SYNM: variants seen among roughly 807,000 people sequenced by gnomAD.
The protein encoded by SYNM is desmuslin.
Under a neutral mutation model 104.0 loss-of-function variants are expected in SYNM, and 95 were observed. The observed-to-expected ratio is 0.91, with a 90% CI of 0.77 to 1.08. The LOEUF (loss-of-function observed/expected upper bound fraction) is 1.08, where lower values mean the gene tolerates loss of function less well. SYNM is among the 50% of genes least tolerant of loss of function. The probability of loss-of-function intolerance (pLI) is 0.00; values close to 1 mark genes in which losing one functional copy is unlikely to be tolerated. For missense variants in SYNM, 2,150 were observed against 2,052.2 expected, an observed-to-expected ratio of 1.05 and a Z score of -0.92; for synonymous variants, 918 against 869.0, an observed-to-expected ratio of 1.06 and a Z score of -0.99.
At position 99,105,670 on chromosome 15, in the gene SYNM, G is replaced by T. The variant is rs1275937639; in HGVS notation, c.471G>T (p.Ala157=). ...AHERDVRELR[A]RAASLTMHFR... is the part of the protein sequence containing the mutation. ...AACGCGACGTGAGGGAGCTGCGCGC[G>T]CGCGCCGCCAGCCTTACCATGCATT... is the stretch of plus-strand genomic sequence containing the variant. The change falls in exon 1 of 4, where the codon GCG becomes GCT. Residue 157 remains alanine (A), a synonymous_variant. Transcript: ENST00000336292. 2 of 1,421,612 alleles carry T rather than the reference G, an allele frequency of 1.4e-6. No individual in the cohort carries two copies. Among genetic ancestry groups the T allele is most frequent in the Non-Finnish European group, 1.8e-6 (2 of 1,095,818 alleles). 88.1% of individuals were successfully genotyped at this position (1,421,612 alleles called of 1,614,324 possible). A position where few individuals can be genotyped will look rare whatever the true frequency, so the allele number is the denominator to read the frequency against.
At position 99,131,560 on chromosome 15, in the gene SYNM, G is replaced by T; in HGVS notation, c.3200G>T (p.Arg1067Leu). The T allele has an allele frequency of 1.2e-6, 2 of 1,608,898 alleles. No homozygotes were observed. Among genetic ancestry groups the T allele is most frequent in the Non-Finnish European group, 1.7e-6 (2 of 1,179,606 alleles). ...CCGGCTGCTGGCATTCGCTTTAGGC[G>T]TTGGGCCACCCGGGAGCTGTACATC... The part of the protein sequence containing the change: ...EAPAAGIRFR[R>L]WATRELYIPS... Residue 1067 changes from arginine to leucine, a missense_variant, in exon 4 of 4, where the codon CGT becomes CTT. Transcript: ENST00000336292. This position sits in a 1 kb window ranked among gnomAD's most constrained non-coding sequence, Gnocchi z 4.3.
rs1567271201 is a variant in SYNM at position 99,105,193 on chromosome 15, CG to C, written c.-5del. The C allele has an allele frequency of 6.4e-7, 1 of 1,571,464 alleles. No homozygotes were observed. Among genetic ancestry groups the C allele is most frequent in the Non-Finnish European group, 8.6e-7 (1 of 1,161,850 alleles). On this transcript the variant is annotated 5_prime_UTR_variant, in exon 1 of 4. Transcript: ENST00000336292. ...GCCAGCCGCGAGAACCCCGCACGCCCGGCAAGATGCTGTCCTGGCGGCTGCA... is the reference window on the plus strand; with the variant it reads ...GCCAGCCGCGAGAACCCCGCACGCCCGCAAGATGCTGTCCTGGCGGCTGCA...
At position 99,129,811 on chromosome 15, in the gene SYNM, C is replaced by G. The variant is rs547315336; in HGVS notation, c.1451C>G (p.Ser484Trp). Reference protein sequence around the residue: ...DRRDKVAAGASESTRSNERTV... With the variant: ...DRRDKVAAGAWESTRSNERTV... Reference sequence around the variant, plus strand: ...CGAGACAAGGTGGCAGCAGGTGCTTCGGAAAGCACACGGTCAAATGAGAGG... The same window carrying G: ...CGAGACAAGGTGGCAGCAGGTGCTTGGGAAAGCACACGGTCAAATGAGAGG... The change falls in exon 4 of 4, where the codon TCG becomes TGG. Residue 484 changes from serine (S) to tryptophan (W), a missense_variant. Ser to Trp is a radical substitution (Grantham distance 177). Coordinates refer to ENST00000336292, the MANE Select transcript of SYNM (RefSeq NM_145728.3). The G allele has an allele frequency of 3.7e-6, 6 of 1,613,330 alleles. No individual in the cohort carries two copies. In the East Asian group the frequency reaches 1.3e-4, roughly 36 times the overall value.
At chr15:99,121,537 A>AT in intron 2 of SYNM, among the ~76,000 whole-genome samples, 1 of 152,318 alleles carries the variant, frequency 6.6e-6, no homozygotes, top group East Asian at 1.9e-4. Flanking sequence ...GTGCTTGTGA[A>AT]TAATCGGATG....
chr15:99,109,344 G>A (rs1555483191), intron 1 of SYNM, among the ~76,000 whole-genome samples: 1 of 152,186 alleles, frequency 6.6e-6, no homozygotes, highest in African/African-American at 2.4e-5. Context: ...AGACATTTGC[G>A]ATAAAGTGGA....
At position 99,106,501 on chromosome 15, in the gene SYNM, A is replaced by C. The variant is rs904397388; in HGVS notation, c.810+492A>C. Among the ~76,000 whole-genome samples, 3 of 152,318 alleles carry C rather than the reference A, an allele frequency of 2.0e-5. No homozygotes were observed. The East Asian group carries it at 5.8e-4, about 29-fold the overall frequency. On this transcript the variant is annotated intron_variant, in intron 1 of 3. Transcript: ENST00000336292. ...TTTTATTTTGCCAATATGATTTCCC[A>C]GTTGGAAGCCGCAGTTGTGGCTCTC...
the SYNM span, chr15:99,140,851 G>A: frequency 6.6e-6 from 1 of 152,192 alleles, no homozygotes; most frequent in South Asian, 2.1e-4. Context: ...ACAGAAATGA[G>A]AAAGGTTTAA....
chr15:99,113,113 C>G (rs1304152508), intron 1 of SYNM, among the ~76,000 whole-genome samples: 1 of 152,224 alleles, frequency 6.6e-6, no homozygotes, highest in African/African-American at 2.4e-5. Flanking sequence ...AAACAAAACT[C>G]TGTATCAGTT....
At chr15:99,123,346 C>G (rs2067418910) in intron 2 of SYNM, among the ~76,000 whole-genome samples, 1 of 149,218 alleles carries the variant, frequency 6.7e-6, no homozygotes, top group African/African-American at 2.5e-5. Context: ...AGAGATGGCT[C>G]TGGGATGTGG....
rs376804524 is a variant in SYNM at position 99,131,298 on chromosome 15, G to A, written c.2938G>A (p.Gly980Arg). ...CACCAGAGAGGGGCAGGGTGGGCCG[G>A]GGAGCGTTTCCGTGGATGTCAAGAA... The part of the protein sequence containing the change: ...ALTREGQGGP[G>R]SVSVDVKKVQ... Residue 980 changes from glycine (G) to arginine (R), a missense_variant, in exon 4 of 4, where the codon GGG becomes AGG. By Grantham distance (125) the Gly-to-Arg change is moderately radical. Coordinates refer to ENST00000336292, the MANE Select transcript of SYNM (RefSeq NM_145728.3). This position sits in a 1 kb window ranked among gnomAD's most constrained non-coding sequence, Gnocchi z 4.3. 3.7e-6 allele frequency: 6 copies of A among 1,612,626 alleles called. No individual in the cohort carries two copies. Among genetic ancestry groups the A allele is most frequent in the Middle Eastern group, 1.6e-4 (1 of 6,080 alleles).
downstream of SYNM, chr15:99,136,539 G>A (rs2067604110): frequency 6.6e-6 from 1 of 152,200 alleles, no homozygotes; most frequent in African/African-American, 2.4e-5. Flanking sequence ...TCCTCACATG[G>A]TGGAGAGAGA....
intron 2 of SYNM, 104 bp downstream of exon 2, chr15:99,113,819 C>A: frequency 1.3e-6 from 2 of 1,488,468 alleles, no homozygotes; most frequent in South Asian, 2.7e-5. Flanking sequence ...GTCACTGTGG[C>A]TTTGTGACAA....
chr15:99,124,924 G>A (rs567568365), intron 2 of SYNM, among the ~76,000 whole-genome samples: 1 of 152,368 alleles, frequency 6.6e-6, no homozygotes, highest in African/African-American at 2.4e-5. Context: ...GCTGTATCTT[G>A]TCCCCTGAAC....
chr15:99,113,127 C>T (rs782515391), intron 1 of SYNM, among the ~76,000 whole-genome samples: 50 of 152,170 alleles, frequency 3.3e-4, no homozygotes, highest in Non-Finnish European at 5.9e-4. Context: ...ATCAGTTTAC[C>T]TGCTTATTGT....
intron 1 of SYNM, 82 bp downstream of exon 1, chr15:99,106,091 G>T (rs1278241617): frequency 2.3e-6 from 3 of 1,320,478 alleles, no homozygotes; most frequent in Admixed American, 4.0e-5. Context: ...TGGGGCAGCG[G>T]CCCCTTCACC....
At chr15:99,141,053 C>T in the SYNM span, 1 of 152,210 alleles carries the variant, frequency 6.6e-6, no homozygotes, top group Admixed American at 6.5e-5. Flanking sequence ...GGTACCATTT[C>T]ACCCACCAGA....
At chr15:99,125,533 C>T (rs2067439216) in intron 2 of SYNM, among the ~76,000 whole-genome samples, 1 of 152,250 alleles carries the variant, frequency 6.6e-6, no homozygotes, top group Non-Finnish European at 1.5e-5. Flanking sequence ...GAGAGTGCCT[C>T]ATGCCTCCTT....
rs368062336 is a variant in SYNM, at chr15:99,105,775, C to T, written c.576C>T (p.Ala192=). 9.3e-5 allele frequency: 143 copies of T among 1,541,824 alleles called. 1 individual carries two copies. In the East Asian group the frequency reaches 2.3e-3, roughly 25 times the overall value. ...EVHDSYALLV[A]ESWRETVQLY... is the part of the protein sequence containing the mutation. Reference sequence around the variant, plus strand: ...ACGACAGCTACGCACTGCTGGTGGCCGAGTCGTGGCGGGAGACGGTGCAGC... The same window carrying T: ...ACGACAGCTACGCACTGCTGGTGGCTGAGTCGTGGCGGGAGACGGTGCAGC... Residue 192 remains alanine, a synonymous_variant, in exon 1 of 4, where the codon GCC becomes GCT. Coordinates refer to ENST00000336292, the MANE Select transcript of SYNM (RefSeq NM_145728.3).
chr15:99,138,911 G>A (rs973867874), downstream of SYNM, among the ~76,000 whole-genome samples: 1 of 152,230 alleles, frequency 6.6e-6, no homozygotes, highest in African/African-American at 2.4e-5. Flanking sequence ...CTCGGGCTGA[G>A]AAAGGACGTA....
Sources: gnomAD v4.1 joint callset for allele counts (sites outside exome capture counted in the v4.1 genomes callset) on GRCh38, gnomAD v4.1.1 for gene constraint, Gnocchi (gnomAD v3.1) non-coding constraint, MANE v1.5 for transcripts, NCBI Gene and HGNC (gene_info 2026-07-23, HGNC 2026-07-21) for gene names.